LRRC63: variants seen among roughly 807,000 people sequenced by gnomAD.
LRRC63 encodes leucine rich repeat containing 63.
A neutral mutation model predicts 49.5 loss-of-function variants in LRRC63; 40 were observed. The ratio of observed to expected loss-of-function variants is 0.81; its 90% confidence interval spans 0.63 to 1.05. The LOEUF (loss-of-function observed/expected upper bound fraction) is 1.05. LRRC63 is among the 50% of genes least tolerant of loss of function. The pLI is 0.00. For synonymous variants in LRRC63, 191 were observed against 221.1 expected, an observed-to-expected ratio of 0.86 and a Z score of 1.21; for missense variants, 636 against 663.1, an observed-to-expected ratio of 0.96 and a Z score of 0.45.
chr13:46,255,924 C>T (rs1410340746), intron 7 of LRRC63, among the ~76,000 whole-genome samples: 2 of 152,072 alleles, frequency 1.3e-5, no homozygotes, highest in Non-Finnish European at 1.5e-5. Flanking sequence ...AGACTTATTT[C>T]ACCTGTTCTG....
At chr13:46,235,952 A>G (rs1310233868) in intron 5 of LRRC63, among the ~76,000 whole-genome samples, 1 of 152,160 alleles carries the variant, frequency 6.6e-6, no homozygotes. Flanking sequence ...TTCAATAAAG[A>G]GATGGAAATG....
chr13:46,237,548 G>A (rs977511573), intron 5 of LRRC63, among the ~76,000 whole-genome samples: 1 of 151,974 alleles, frequency 6.6e-6, no homozygotes, highest in Admixed American at 6.6e-5. Flanking sequence ...CTTGAAGAAA[G>A]AGAGCAAACT....
At chr13:46,230,339 A>G (rs2046711686) in intron 4 of LRRC63, among the ~76,000 whole-genome samples, 1 of 152,232 alleles carries the variant, frequency 6.6e-6, no homozygotes, top group Admixed American at 6.5e-5. Flanking sequence ...AACTAATAGG[A>G]TATATGTATA....
chr13:46,276,183 G>A (rs2138605754), intron 9 of LRRC63, among the ~76,000 whole-genome samples: 1 of 151,186 alleles, frequency 6.6e-6, no homozygotes, highest in Admixed American at 6.6e-5. Flanking sequence ...GGTTATGATA[G>A]TACCTTTATT....
At chr13:46,270,514 G>T in intron 9 of LRRC63, 1 of 794,974 alleles carries the variant, frequency 1.3e-6, no homozygotes, top group Non-Finnish European at 2.3e-6. Context: ...TTGCAGTTGA[G>T]TTACCCAAAT....
At chr13:46,216,518 C>A (rs2138345329) in intron 2 of LRRC63, among the ~76,000 whole-genome samples, 1 of 152,280 alleles carries the variant, frequency 6.6e-6, no homozygotes, top group African/African-American at 2.4e-5. Flanking sequence ...AGACTTTGGG[C>A]TGAGACAATG....
chr13:46,214,517 G>A (rs1175160955), intron 2 of LRRC63, among the ~76,000 whole-genome samples: 2 of 152,016 alleles, frequency 1.3e-5, no homozygotes. Context: ...TCACAACCTT[G>A]GCACTATTGA....
At chr13:46,235,835 CTG>C (rs1439748223) in intron 5 of LRRC63, among the ~76,000 whole-genome samples, 4 of 152,226 alleles carry the variant, frequency 2.6e-5, no homozygotes, top group Admixed American at 1.3e-4. Context: ...CTTAAATAAA[CTG>C]TCTTAAATAT....
intron 9 of LRRC63, among the ~76,000 whole-genome samples, chr13:46,273,685 G>T (rs1169083180): frequency 6.6e-6 from 1 of 151,844 alleles, no homozygotes; most frequent in Non-Finnish European, 1.5e-5. Context: ...GGTGGAAGAG[G>T]CTGATCACCT....
At chr13:46,221,832 A>G (rs1409367078) in intron 2 of LRRC63, among the ~76,000 whole-genome samples, 5 of 152,194 alleles carry the variant, frequency 3.3e-5, no homozygotes, top group African/African-American at 1.2e-4. Context: ...TCCAGAACCC[A>G]TCTCAGGCCT....
intron 5 of LRRC63, among the ~76,000 whole-genome samples, chr13:46,244,218 G>T (rs1225203257): frequency 6.6e-6 from 1 of 152,084 alleles, no homozygotes; most frequent in Non-Finnish European, 1.5e-5. Context: ...GAGTACAAAA[G>T]GTTGGAAGGG....
intron 2 of LRRC63, among the ~76,000 whole-genome samples, chr13:46,225,283 C>T (rs139757113): frequency 4.9e-4 from 75 of 152,272 alleles, no homozygotes; most frequent in African/African-American, 1.8e-3. Flanking sequence ...GAGGAAGAAC[C>T]TTGCTTTCAC....
At chr13:46,273,932 A>T (rs2047796150) in intron 9 of LRRC63, among the ~76,000 whole-genome samples, 1 of 149,978 alleles carries the variant, frequency 6.7e-6, no homozygotes. Context: ...AAAAAAAAGT[A>T]CCAAGAAGTG....
chr13:46,221,962 G>T (rs151308389), intron 2 of LRRC63, among the ~76,000 whole-genome samples: 2,231 of 152,318 alleles, frequency 0.015, 68 homozygotes, highest in African/African-American at 0.05. Context: ...ACAGTGAACA[G>T]CTGATGAGAA....
At chr13:46,218,514 C>A (rs1275368833) in intron 2 of LRRC63, among the ~76,000 whole-genome samples, 1 of 152,100 alleles carries the variant, frequency 6.6e-6, no homozygotes, top group African/African-American at 2.4e-5. Flanking sequence ...TGAGATGGGT[C>A]TCCTGAATAC....
intron 9 of LRRC63, 130 bp downstream of exon 9, chr13:46,267,102 C>A: frequency 2.3e-6 from 2 of 858,672 alleles, no homozygotes; most frequent in Non-Finnish European, 3.4e-6. Context: ...ACCATACACA[C>A]AATTCTTCAA....
chr13:46,248,727 C>G (rs980090930), intron 6 of LRRC63, among the ~76,000 whole-genome samples: 2 of 151,756 alleles, frequency 1.3e-5, no homozygotes, highest in Non-Finnish European at 2.9e-5. Flanking sequence ...AAAAATTAGG[C>G]AGAAGAACAA....
At chr13:46,259,345 T>C (rs1053191500) in intron 7 of LRRC63, among the ~76,000 whole-genome samples, 3 of 152,176 alleles carry the variant, frequency 2.0e-5, no homozygotes, top group Non-Finnish European at 4.4e-5. Context: ...AGACATGTTT[T>C]AGACTCATGC....
rs761865769 is a variant in LRRC63 at position 46,266,856 on chromosome 13, T to G, written c.1434T>G (p.Asp478Glu). Residue 478 changes from aspartate (D) to glutamate (E), a missense_variant, in exon 9 of 10, where the codon GAT becomes GAG. Coordinates refer to ENST00000595396, the Ensembl canonical transcript of LRRC63. Reference sequence around the variant, plus strand: ...TCACTCATCCTTGTTTTTGGAGAGATAATTATTTGAATAATCCACAACAAC... The same window carrying G: ...TCACTCATCCTTGTTTTTGGAGAGAGAATTATTTGAATAATCCACAACAAC... The G allele has an allele frequency of 3.4e-5, 52 of 1,549,810 alleles. No homozygotes were observed. The South Asian group carries it at 5.4e-4, about 16-fold the overall frequency.
Sources: allele counts gnomAD v4.1 joint callset (sites outside exome capture counted in the v4.1 genomes callset), GRCh38; gene constraint gnomAD v4.1.1; transcripts MANE v1.5; gene names NCBI Gene and HGNC (gene_info 2026-07-23, HGNC 2026-07-21).